Variants in DPT observed in about 807,000 individuals in gnomAD.
The protein encoded by DPT is dermatopontin.
A neutral mutation model predicts 31.2 loss-of-function variants in DPT; 21 were observed. The observed-to-expected ratio is 0.67, with a 90% CI of 0.48 to 0.97. The LOEUF (loss-of-function observed/expected upper bound fraction) is 0.97, where lower values mean the gene tolerates loss of function less well. DPT is among the 50% of genes least tolerant of loss of function. The pLI is 0.00. For missense variants in DPT, 262 were observed against 258.8 expected (o/e 1.01, Z -0.08); for synonymous variants, 91 against 86.9 (o/e 1.05, Z -0.26).
intron 2 of DPT, among the ~76,000 whole-genome samples, chr1:168,701,472 T>G (rs664879): frequency 0.16 from 24,195 of 152,256 alleles, 2,531 homozygotes; most frequent in East Asian, 0.46. Context: ...AATTTTAGAT[T>G]ATGATTCATT....
chr1:168,702,347 A>G (rs1452293256), intron 2 of DPT, among the ~76,000 whole-genome samples: 1 of 152,228 alleles, frequency 6.6e-6, no homozygotes, highest in Non-Finnish European at 1.5e-5. Flanking sequence ...ATCTCAGTGC[A>G]CAGATGGAGA....
chr1:168,713,905 A>C (rs1204450789), intron 2 of DPT, among the ~76,000 whole-genome samples: 2 of 152,264 alleles, frequency 1.3e-5, no homozygotes, highest in Non-Finnish European at 2.9e-5. Flanking sequence ...GGAGAACAGC[A>C]CTGGGATGGG....
intron 1 of DPT, among the ~76,000 whole-genome samples, chr1:168,725,716 A>G (rs974732362): frequency 2.6e-5 from 4 of 152,234 alleles, no homozygotes; most frequent in Non-Finnish European, 4.4e-5. Flanking sequence ...TGGCAGCACC[A>G]CAGACCACTC....
At chr1:168,727,896 C>T (rs190543937) in intron 1 of DPT, among the ~76,000 whole-genome samples, 25 of 152,252 alleles carry the variant, frequency 1.6e-4, no homozygotes, top group Admixed American at 3.3e-4. Flanking sequence ...TGCCACACAT[C>T]TGGGTTGCTC....
chr1:168,700,974 C>T, intron 3 of DPT, 43 bp downstream of exon 3: 1 of 1,435,596 alleles, frequency 7.0e-7, no homozygotes, highest in Non-Finnish European at 9.8e-7. Flanking sequence ...TTAGTCCCAA[C>T]TCCTTTAACC....
chr1:168,700,444 G>A (rs1021507154), intron 3 of DPT, among the ~76,000 whole-genome samples: 1 of 152,132 alleles, frequency 6.6e-6, no homozygotes, highest in Non-Finnish European at 1.5e-5. Flanking sequence ...AAGACAGTAG[G>A]TTCTGTGTGT....
At chr1:168,703,275 G>A (rs35469593) in intron 2 of DPT, among the ~76,000 whole-genome samples, 27,614 of 152,160 alleles carry the variant, frequency 0.18, 2,684 homozygotes, top group African/African-American at 0.22. Context: ...TATGAAGCTA[G>A]ATTTTTATTT....
rs1572621771 is a variant in DPT, at chr1:168,695,921, C to T, written c.*628G>A. The T allele has an allele frequency of 2.8e-6, 1 of 355,538 alleles. No individual in the cohort carries two copies. Among genetic ancestry groups the T allele is most frequent in the Non-Finnish European group, 5.0e-6 (1 of 198,498 alleles). 22.0% of individuals were successfully genotyped at this position (355,538 alleles called of 1,614,324 possible). On this transcript the variant is annotated 3_prime_UTR_variant, in exon 4 of 4. Coordinates refer to ENST00000367817, the MANE Select transcript of DPT (RefSeq NM_001937.5). ...GTATGCTAACGTTTGTCTTCTAATTCAGGAAATCCTTCCAACCCTGTTTTC... is the reference window on the plus strand; with the variant it reads ...GTATGCTAACGTTTGTCTTCTAATTTAGGAAATCCTTCCAACCCTGTTTTC...
At chr1:168,727,357 A>C (rs886446792) in intron 1 of DPT, among the ~76,000 whole-genome samples, 1 of 152,056 alleles carries the variant, frequency 6.6e-6, no homozygotes, top group Admixed American at 6.5e-5. Context: ...CACATAAAGC[A>C]CTTAGCATGG....
intron 2 of DPT, among the ~76,000 whole-genome samples, chr1:168,711,825 G>T (rs1342507808): frequency 6.6e-6 from 1 of 152,136 alleles, no homozygotes; most frequent in Non-Finnish European, 1.5e-5. Context: ...CTTATTTAAT[G>T]CTCATAACAA....
intron 2 of DPT, among the ~76,000 whole-genome samples, chr1:168,709,731 G>A (rs1572627904): frequency 2.0e-5 from 3 of 152,320 alleles, no homozygotes; most frequent in East Asian, 1.9e-4. Flanking sequence ...GAAAAATGTC[G>A]TTCCCACCCA....
At chr1:168,705,488 C>A (rs955341789) in intron 2 of DPT, among the ~76,000 whole-genome samples, 3 of 152,134 alleles carry the variant, frequency 2.0e-5, no homozygotes, top group Non-Finnish European at 4.4e-5. Flanking sequence ...TGGAAAAAAA[C>A]CCCAGCATTT....
At chr1:168,721,567 G>A (rs890586506) in intron 1 of DPT, among the ~76,000 whole-genome samples, 1 of 152,190 alleles carries the variant, frequency 6.6e-6, no homozygotes, top group Non-Finnish European at 1.5e-5. Context: ...TAGACACTGA[G>A]AGGAGCCTCA....
At chr1:168,704,491 G>A (rs982686160) in intron 2 of DPT, among the ~76,000 whole-genome samples, 2 of 152,352 alleles carry the variant, frequency 1.3e-5, no homozygotes, top group African/African-American at 4.8e-5. Context: ...AGCTTGCAGT[G>A]AGCTGAGATC....
chr1:168,697,842 C>T (rs1649498173), intron 3 of DPT, among the ~76,000 whole-genome samples: 2 of 152,164 alleles, frequency 1.3e-5, no homozygotes, highest in African/African-American at 4.8e-5. Flanking sequence ...TTCAGATTCG[C>T]AGTTTATTGT....
rs1246146993 is a variant in DPT at position 168,728,930 on chromosome 1, T to C, written c.245A>G (p.Gln82Arg). 1 of 1,614,122 alleles carries C rather than the reference T, an allele frequency of 6.2e-7. No individual in the cohort carries two copies. Among genetic ancestry groups the C allele is most frequent in the South Asian group, 1.1e-5 (1 of 91,096 alleles). Reference sequence around the variant, plus strand: ...GCACTCCGTGGGTTCCCCGAGGCTCTGTGGCGTGGGCATGCAGGCGTAGTT... The same window carrying C: ...GCACTCCGTGGGTTCCCCGAGGCTCCGTGGCGTGGGCATGCAGGCGTAGTT... ...QWNYACMPTPQSLGEPTECWW... is the reference protein window; with the variant it reads ...QWNYACMPTPRSLGEPTECWW... The change falls in exon 1 of 4, where the codon CAG becomes CGG. Residue 82 changes from glutamine (Q) to arginine (R), a missense_variant. Gln to Arg is a conservative substitution (Grantham distance 43). Transcript: ENST00000367817.
chr1:168,710,163 C>T (rs186417385), intron 2 of DPT, among the ~76,000 whole-genome samples: 114 of 152,304 alleles, frequency 7.5e-4, no homozygotes, highest in African/African-American at 2.7e-3. Context: ...GACACACCAG[C>T]GGGATAGTGA....
intron 3 of DPT, 77 bp downstream of exon 3, chr1:168,700,940 T>G: frequency 1.1e-6 from 1 of 880,906 alleles, no homozygotes; most frequent in Non-Finnish European, 1.9e-6. Context: ...TATAAATTCC[T>G]GCAGGTAAAA....
At chr1:168,703,276 A>C (rs1649643157) in intron 2 of DPT, among the ~76,000 whole-genome samples, 1 of 152,184 alleles carries the variant, frequency 6.6e-6, no homozygotes, top group Non-Finnish European at 1.5e-5. Flanking sequence ...ATGAAGCTAG[A>C]TTTTTATTTT....
Sources: allele counts gnomAD v4.1 joint callset (sites outside exome capture counted in the v4.1 genomes callset), GRCh38; gene constraint gnomAD v4.1.1; transcripts MANE v1.5; gene names NCBI Gene and HGNC (gene_info 2026-07-23, HGNC 2026-07-21).